Variants in GRM1 observed in about 807,000 individuals in gnomAD.
GRM1 encodes the protein metabotropic glutamate receptor 1.
In GRM1, 33 loss-of-function variants were observed where a neutral mutation model predicts 90.9. That is an observed-to-expected ratio of 0.36 (90% CI 0.28 to 0.49). The LOEUF is 0.49. Among genes scored for constraint, GRM1 ranks in the 20% least tolerant of loss-of-function variants. The probability of loss-of-function intolerance (pLI) is 0.99; values close to 1 mark genes in which losing one functional copy is unlikely to be tolerated. For missense variants in GRM1, 1,190 were observed against 1,534.3 expected, an observed-to-expected ratio of 0.78 and a Z score of 3.75; for synonymous variants, 700 against 613.2, an observed-to-expected ratio of 1.14 and a Z score of -2.09.
intron 7 of GRM1, among the ~76,000 whole-genome samples, chr6:146,429,072 G>A (rs1778314664): frequency 1.3e-5 from 2 of 152,200 alleles, no homozygotes; most frequent in South Asian, 4.1e-4. Context: ...GATGTAGGAT[G>A]TAATTGATCT....
intron 2 of GRM1, among the ~76,000 whole-genome samples, chr6:146,290,524 G>A (rs540103978): frequency 1.3e-5 from 2 of 152,302 alleles, no homozygotes; most frequent in South Asian, 4.1e-4. Flanking sequence ...CATGACCAGA[G>A]GGCAGAGCCT....
chr6:146,203,139 A>C (rs887460403), intron 2 of GRM1, among the ~76,000 whole-genome samples: 6 of 152,010 alleles, frequency 3.9e-5, no homozygotes, highest in Non-Finnish European at 7.4e-5. Context: ...GCTTGCAGTG[A>C]GCCAAGATAG....
At chr6:146,189,703 A>G (rs1262761313) in intron 2 of GRM1, among the ~76,000 whole-genome samples, 1 of 152,186 alleles carries the variant, frequency 6.6e-6, no homozygotes, top group East Asian at 1.9e-4. Flanking sequence ...AGGTGTTCTG[A>G]TTTTAAGCTC....
intron 1 of GRM1, among the ~76,000 whole-genome samples, chr6:146,078,789 C>G (rs1776270580): frequency 6.6e-6 from 1 of 152,126 alleles, no homozygotes; most frequent in South Asian, 2.1e-4. Flanking sequence ...ACTGTTAGAA[C>G]ATAGACAACG....
intron 2 of GRM1, chr6:146,159,900 A>T: frequency 4.6e-6 from 1 of 215,144 alleles, no homozygotes. Context: ...TTGGTGACAG[A>T]GTGAGACCTT....
chr6:146,167,246 T>A (rs1445476660), intron 2 of GRM1, among the ~76,000 whole-genome samples: 2 of 152,160 alleles, frequency 1.3e-5, no homozygotes, highest in Admixed American at 1.3e-4. Flanking sequence ...TGAGTAGGAT[T>A]CCATGGCATA....
At chr6:146,044,265 T>C (rs1791241821) in intron 1 of GRM1, among the ~76,000 whole-genome samples, 1 of 151,894 alleles carries the variant, frequency 6.6e-6, no homozygotes, top group Non-Finnish European at 1.5e-5. Flanking sequence ...ATAATAAAAA[T>C]AAATAAAATC....
At chr6:146,159,629 TCTCTCTCTCTCTCA>T (rs1777640210) in intron 2 of GRM1, 32 bp downstream of exon 2, 10 of 1,516,362 alleles carry the variant, frequency 6.6e-6, no homozygotes, top group Non-Finnish European at 9.0e-6. Context: ...TCTCTCTCTC[TCTCTCTCTCTCTCA>T]CACACACACA....
chr6:146,150,220 G>T (rs1243793409), intron 1 of GRM1, among the ~76,000 whole-genome samples: 1 of 152,086 alleles, frequency 6.6e-6, no homozygotes, highest in Non-Finnish European at 1.5e-5. Context: ...ATTTAAACCA[G>T]CTGATATCTG....
intron 1 of GRM1, among the ~76,000 whole-genome samples, chr6:146,123,135 G>A (rs1182679033): frequency 6.6e-6 from 1 of 152,056 alleles, no homozygotes; most frequent in East Asian, 1.9e-4. Flanking sequence ...GAGCCACCGT[G>A]CCCGGCCTGT....
intron 2 of GRM1, among the ~76,000 whole-genome samples, chr6:146,241,784 G>GAGAGATTTTATAT (rs1233807120): frequency 6.6e-6 from 1 of 152,122 alleles, no homozygotes; most frequent in African/African-American, 2.4e-5. Flanking sequence ...CTTGGCAGAA[G>GAGAGATTTTATAT]AGAGATTTTA....
chr6:146,274,711 A>G (rs1437026725), intron 2 of GRM1, among the ~76,000 whole-genome samples: 1 of 152,226 alleles, frequency 6.6e-6, no homozygotes, highest in Non-Finnish European at 1.5e-5. Context: ...TTGAAATAGT[A>G]AAAGAATGCC....
chr6:146,090,261 A>G (rs909389383), intron 1 of GRM1, among the ~76,000 whole-genome samples: 4 of 152,086 alleles, frequency 2.6e-5, no homozygotes, highest in African/African-American at 9.7e-5. Flanking sequence ...TCATGATGCC[A>G]ATAGGTTAAT....
intron 1 of GRM1, among the ~76,000 whole-genome samples, chr6:146,089,098 A>G (rs889287642): frequency 2.6e-5 from 4 of 152,040 alleles, no homozygotes; most frequent in Non-Finnish European, 4.4e-5. Context: ...GTTATTGTTC[A>G]TTATGTAAGC....
chr6:146,032,996 T>G (rs1327220690), intron 1 of GRM1, among the ~76,000 whole-genome samples: 5 of 152,224 alleles, frequency 3.3e-5, no homozygotes, highest in African/African-American at 9.6e-5. Context: ...AGTTTTTATA[T>G]TCTCTTACAT....
chr6:146,203,110 C>T (rs528512345), intron 2 of GRM1, among the ~76,000 whole-genome samples: 3 of 151,960 alleles, frequency 2.0e-5, no homozygotes, highest in African/African-American at 7.2e-5. Flanking sequence ...AGGAGAATGG[C>T]GTGAACCCGG....
At chr6:146,083,525 T>C (rs1047312590) in intron 1 of GRM1, among the ~76,000 whole-genome samples, 1 of 152,222 alleles carries the variant, frequency 6.6e-6, no homozygotes, top group Non-Finnish European at 1.5e-5. Flanking sequence ...GTTTATGTGA[T>C]AGATTGTATT....
At chr6:146,035,199 A>G (rs1438575453) in intron 1 of GRM1, among the ~76,000 whole-genome samples, 3 of 151,992 alleles carry the variant, frequency 2.0e-5, no homozygotes, top group Non-Finnish European at 2.9e-5. Flanking sequence ...AGAACTAATA[A>G]TAAAAACAGA....
At chr6:146,084,260 A>G (rs1340008802) in intron 1 of GRM1, among the ~76,000 whole-genome samples, 1 of 150,952 alleles carries the variant, frequency 6.6e-6, no homozygotes, top group Non-Finnish European at 1.5e-5. Flanking sequence ...GATCTTAGTT[A>G]TGTCTTGTCT....
Sources: gnomAD v4.1 joint callset for allele counts (sites outside exome capture counted in the v4.1 genomes callset) on GRCh38, gnomAD v4.1.1 for gene constraint, MANE v1.5 for transcripts, NCBI Gene and HGNC (gene_info 2026-07-23, HGNC 2026-07-21) for gene names.